Variants in CNTN6 observed in about 807,000 individuals in gnomAD.
CNTN6 encodes contactin-6.
A neutral mutation model predicts 122.8 loss-of-function variants in CNTN6; 137 were observed. The ratio of observed to expected loss-of-function variants is 1.12; its 90% CI spans 0.97 to 1.29. The LOEUF (loss-of-function observed/expected upper bound fraction) is 1.29, where lower values mean the gene tolerates loss of function less well. CNTN6 is among the 50% of genes most tolerant of loss of function. The pLI is 0.00. For synonymous variants in CNTN6, 570 were observed against 426.0 expected, an observed-to-expected ratio of 1.34 and a Z score of -4.16; for missense variants, 1,634 against 1,223.4, an observed-to-expected ratio of 1.34 and a Z score of -5.01.
intron 5 of CNTN6, among the ~76,000 whole-genome samples, chr3:1,290,056 T>A (rs1317267577): frequency 6.6e-6 from 1 of 152,190 alleles, no homozygotes; most frequent in Non-Finnish European, 1.5e-5. Flanking sequence ...TTGTTAGCAA[T>A]GCAGATTTCC....
At chr3:1,265,736 G>T (rs2094916469) in intron 4 of CNTN6, among the ~76,000 whole-genome samples, 1 of 152,112 alleles carries the variant, frequency 6.6e-6, no homozygotes, top group East Asian at 1.9e-4. Context: ...TCTCAAAGAT[G>T]TCTTGTCTCC....
intron 12 of CNTN6, among the ~76,000 whole-genome samples, chr3:1,363,557 T>C (rs1480942532): frequency 6.6e-6 from 1 of 151,944 alleles, no homozygotes; most frequent in Non-Finnish European, 1.5e-5. Context: ...GCATAGTTCT[T>C]CCAGATTCTT....
At chr3:1,348,583 T>A (rs776352336) in intron 11 of CNTN6, among the ~76,000 whole-genome samples, 1 of 152,158 alleles carries the variant, frequency 6.6e-6, no homozygotes, top group South Asian at 2.1e-4. Context: ...AAATTATACA[T>A]ACATATATAC....
chr3:1,384,296 T>A (rs1692409475), intron 19 of CNTN6, among the ~76,000 whole-genome samples: 1 of 151,982 alleles, frequency 6.6e-6, no homozygotes, highest in African/African-American at 2.4e-5. Flanking sequence ...TCATTTTTTT[T>A]TCCCTTGGTA....
intron 1 of CNTN6, among the ~76,000 whole-genome samples, chr3:1,109,329 A>G (rs986360072): frequency 6.6e-6 from 1 of 152,096 alleles, no homozygotes; most frequent in African/African-American, 2.4e-5. Context: ...AGATGCATGC[A>G]AAATTGTAGA....
At chr3:1,226,677 C>T (rs1220700532) in intron 3 of CNTN6, among the ~76,000 whole-genome samples, 4 of 152,202 alleles carry the variant, frequency 2.6e-5, no homozygotes, top group Non-Finnish European at 2.9e-5. Flanking sequence ...TCAAAACTAG[C>T]ATTAAAAACA....
chr3:1,200,057 C>T (rs1335135844), intron 2 of CNTN6, among the ~76,000 whole-genome samples: 1 of 151,556 alleles, frequency 6.6e-6, no homozygotes, highest in Non-Finnish European at 1.5e-5. Context: ...TTTTTTTAGA[C>T]ATATATATAT....
At chr3:1,095,331 C>T (rs1371754099) in intron 1 of CNTN6, among the ~76,000 whole-genome samples, 1 of 152,012 alleles carries the variant, frequency 6.6e-6, no homozygotes, top group East Asian at 1.9e-4. Context: ...ATTAGCTGGG[C>T]GTTTTGGCGT....
At chr3:1,116,760 A>G (rs2091736858) in intron 1 of CNTN6, among the ~76,000 whole-genome samples, 1 of 131,808 alleles carries the variant, frequency 7.6e-6, no homozygotes, top group Admixed American at 9.2e-5. Context: ...GCTGGAGTGC[A>G]GTGGCATAAT....
At chr3:1,273,844 C>A (rs1691825993) in intron 4 of CNTN6, among the ~76,000 whole-genome samples, 1 of 152,074 alleles carries the variant, frequency 6.6e-6, no homozygotes, top group Non-Finnish European at 1.5e-5. Context: ...GAAGTGAACA[C>A]AGAATATATT....
intron 20 of CNTN6, among the ~76,000 whole-genome samples, chr3:1,393,811 G>T (rs1422064604): frequency 6.6e-6 from 1 of 151,922 alleles, no homozygotes; most frequent in East Asian, 1.9e-4. Flanking sequence ...GGAAGAGAGA[G>T]ATATATCCAT....
intron 20 of CNTN6, among the ~76,000 whole-genome samples, chr3:1,393,464 G>A (rs1273000693): frequency 1.4e-5 from 2 of 141,896 alleles, no homozygotes; most frequent in Non-Finnish European, 3.0e-5. Context: ...GCTAGATGAC[G>A]AGTTAGTGGG....
At chr3:1,183,079 T>C (rs551914664) in intron 2 of CNTN6, among the ~76,000 whole-genome samples, 43 of 152,284 alleles carry the variant, frequency 2.8e-4, no homozygotes, top group African/African-American at 9.6e-4. Flanking sequence ...AATGTTGTGA[T>C]CTTTTTAAAA....
chr3:1,167,956 G>A (rs2093288363), intron 2 of CNTN6, among the ~76,000 whole-genome samples: 1 of 152,012 alleles, frequency 6.6e-6, no homozygotes, highest in Admixed American at 6.6e-5. Context: ...CTGTCACTCA[G>A]GCTGGAGTGC....
chr3:1,098,774 A>ACG (rs2090676934), intron 1 of CNTN6, among the ~76,000 whole-genome samples: 1 of 68,026 alleles, frequency 1.5e-5, no homozygotes, highest in African/African-American at 2.1e-4. Flanking sequence ...ACACACACAC[A>ACG]CACACACACA....
intron 4 of CNTN6, among the ~76,000 whole-genome samples, chr3:1,271,852 A>T (rs2095032594): frequency 6.6e-6 from 1 of 152,158 alleles, no homozygotes; most frequent in South Asian, 2.1e-4. Context: ...ACCCCAGGTA[A>T]CATCTGGAGA....
At chr3:1,391,705 A>C (rs1694175631) in intron 20 of CNTN6, among the ~76,000 whole-genome samples, 1 of 150,390 alleles carries the variant, frequency 6.6e-6, no homozygotes, top group Admixed American at 6.6e-5. Flanking sequence ...ACTTCAGCAA[A>C]GTCTCAGGAT....
At chr3:1,119,322 C>CGTGTGTGTGTGTGTGTGTGTGT (rs369235352) in intron 1 of CNTN6, among the ~76,000 whole-genome samples, 12,647 of 126,338 alleles carry the variant, frequency 0.1, 958 homozygotes, top group Non-Finnish European at 0.11. Flanking sequence ...ACAGAAAAAT[C>CGTGTGTGTGTGTGTGTGTGTGT]GTGTGTGTGT....
At chr3:1,159,363 G>A (rs1381552245) in intron 2 of CNTN6, among the ~76,000 whole-genome samples, 1 of 151,986 alleles carries the variant, frequency 6.6e-6, no homozygotes, top group African/African-American at 2.4e-5. Context: ...TTCCTTTCTG[G>A]GTGGGACAGA....
Sources: allele counts gnomAD v4.1 joint callset (sites outside exome capture counted in the v4.1 genomes callset), GRCh38; gene constraint gnomAD v4.1.1; transcripts MANE v1.5; gene names NCBI Gene and HGNC (gene_info 2026-07-23, HGNC 2026-07-21).